The following ZNF385D variants were observed in gnomAD, a reference collection of about 807,000 sequenced individuals.
The protein encoded by ZNF385D is zinc finger protein 385D.
In ZNF385D, 15 loss-of-function variants were observed where a neutral mutation model predicts 35.8. The ratio of observed to expected loss-of-function variants is 0.42; its 90% CI spans 0.28 to 0.64. The LOEUF is 0.64. Ranked by LOEUF, ZNF385D falls within the 30% of genes least tolerant of loss-of-function variation. The pLI is 0.23. For synonymous variants in ZNF385D, 212 were observed against 186.8 expected (o/e 1.13, Z -1.10); for missense variants, 474 against 494.6 (o/e 0.96, Z 0.39).
chr3:21,703,301 A>G (rs73138878), intron 1 of ZNF385D, among the ~76,000 whole-genome samples: 39 of 152,254 alleles, frequency 2.6e-4, no homozygotes, highest in African/African-American at 8.7e-4. Flanking sequence ...CTTAATCACT[A>G]TCACGAGAAT....
chr3:22,110,651 G>C (rs1369484266), intron 3 of ZNF385D, among the ~76,000 whole-genome samples: 11 of 151,816 alleles, frequency 7.2e-5, no homozygotes, highest in Admixed American at 2.0e-4. Context: ...GGTGGGGGGA[G>C]TGGGGAGGGA....
At chr3:22,037,661 C>T (rs1698421635) in intron 3 of ZNF385D, among the ~76,000 whole-genome samples, 2 of 152,118 alleles carry the variant, frequency 1.3e-5, no homozygotes, top group South Asian at 2.1e-4. Context: ...TGTAGGTTGA[C>T]TGTTCACTCT....
At chr3:22,326,379 A>G (rs1356121603) in intron 2 of ZNF385D, among the ~76,000 whole-genome samples, 1 of 152,194 alleles carries the variant, frequency 6.6e-6, no homozygotes, top group African/African-American at 2.4e-5. Context: ...ACACTGTCAA[A>G]GAAGCTCGTG....
At chr3:21,653,810 C>G (rs1346447610) in intron 2 of ZNF385D, among the ~76,000 whole-genome samples, 1 of 152,064 alleles carries the variant, frequency 6.6e-6, no homozygotes, top group East Asian at 1.9e-4. Flanking sequence ...TCCAAAAGCT[C>G]CATCTATCTG....
At chr3:22,081,107 C>T (rs1371410445) in intron 3 of ZNF385D, among the ~76,000 whole-genome samples, 1 of 152,352 alleles carries the variant, frequency 6.6e-6, no homozygotes, top group Non-Finnish European at 1.5e-5. Context: ...CCATATCTTA[C>T]ACCTCTTAAT....
At chr3:22,205,838 AGAAG>A (rs1366757132) in intron 2 of ZNF385D, among the ~76,000 whole-genome samples, 1 of 152,016 alleles carries the variant, frequency 6.6e-6, no homozygotes, top group Non-Finnish European at 1.5e-5. Context: ...AAGGAAAGAA[AGAAG>A]GAAGAGAAGA....
chr3:21,976,030 G>A (rs749979489), intron 3 of ZNF385D, among the ~76,000 whole-genome samples: 1 of 152,072 alleles, frequency 6.6e-6, no homozygotes, highest in Non-Finnish European at 1.5e-5. Context: ...AATGGCCCTA[G>A]CAAACACTCA....
intron 3 of ZNF385D, among the ~76,000 whole-genome samples, chr3:21,902,517 T>C (rs1699462435): frequency 6.6e-6 from 1 of 152,206 alleles, no homozygotes; most frequent in South Asian, 2.1e-4. Context: ...CTATTCCTTT[T>C]CCTCCTTTTA....
intron 3 of ZNF385D, among the ~76,000 whole-genome samples, chr3:22,098,382 A>T (rs551237209): frequency 6.6e-6 from 1 of 152,174 alleles, no homozygotes; most frequent in South Asian, 2.1e-4. Flanking sequence ...AATTTTTTTC[A>T]AATATTTTAT....
chr3:21,412,753 G>T lies in ZNF385D; in HGVS notation c.*8461C>A, dbSNP rs899777692. On this transcript the variant is annotated 3_prime_UTR_variant, in exon 8 of 8. Transcript: ENST00000281523. Reference sequence around the variant, plus strand: ...ACTAAAACTGAAAATTCATCTTAAAGAATTCCTAATAAAAATAAATATTAA... The same window carrying T: ...ACTAAAACTGAAAATTCATCTTAAATAATTCCTAATAAAAATAAATATTAA... 4 of 151,982 alleles carry T rather than the reference G, an allele frequency of 2.6e-5. No individual in the cohort carries two copies. The highest frequency in any genetic ancestry group is 9.7e-5 in the African/African-American group (4 of 41,402). 9.4% of individuals were successfully genotyped at this position (151,982 alleles called of 1,614,324 possible).
chr3:21,425,561 G>T lies in ZNF385D; in HGVS notation c.783C>A (p.Gly261=). ...GKGPVNKGNT[G]LQNKTFHCEI... ...CACAGTGAAATGTTTTATTTTGGAGGCCTGTGTTTCCTTTATTAACAGGTC... is the reference window on the plus strand; with the variant it reads ...CACAGTGAAATGTTTTATTTTGGAGTCCTGTGTTTCCTTTATTAACAGGTC... The change falls in exon 6 of 8, where the codon GGC becomes GGA. Residue 261 remains glycine (G), a synonymous_variant. Transcript: ENST00000281523. The T allele has an allele frequency of 9.3e-6, 15 of 1,611,896 alleles. No homozygotes were observed. Among genetic ancestry groups the T allele is most frequent in the Non-Finnish European group, 1.3e-5 (15 of 1,178,934 alleles).
chr3:21,683,321 C>T (rs760956361), intron 1 of ZNF385D, among the ~76,000 whole-genome samples: 4 of 149,506 alleles, frequency 2.7e-5, no homozygotes, highest in Non-Finnish European at 5.9e-5. Context: ...TTAGGTTATG[C>T]GACGTGATAC....
At chr3:22,227,073 C>T (rs537820549) in intron 2 of ZNF385D, among the ~76,000 whole-genome samples, 1 of 152,220 alleles carries the variant, frequency 6.6e-6, no homozygotes, top group African/African-American at 2.4e-5. Context: ...CCCAGACCCA[C>T]TAAATCAGAT....
At chr3:22,202,812 C>T (rs974610082) in intron 2 of ZNF385D, among the ~76,000 whole-genome samples, 2 of 152,092 alleles carry the variant, frequency 1.3e-5, no homozygotes, top group Non-Finnish European at 2.9e-5. Flanking sequence ...CTGAGCAGAG[C>T]TCATCTGGTG....
At chr3:22,232,186 C>G (rs115990853) in intron 2 of ZNF385D, among the ~76,000 whole-genome samples, 2,491 of 152,248 alleles carry the variant, frequency 0.016, 36 homozygotes, top group Non-Finnish European at 0.024. Context: ...TGTGAAATCT[C>G]CAATAGGAGA....
At chr3:22,043,293 C>G (rs919529740) in intron 3 of ZNF385D, among the ~76,000 whole-genome samples, 1 of 152,076 alleles carries the variant, frequency 6.6e-6, no homozygotes, top group Non-Finnish European at 1.5e-5. Flanking sequence ...CAAACACCGT[C>G]AAAGATTAGA....
At chr3:21,492,933 C>G (rs1443224420) in intron 4 of ZNF385D, among the ~76,000 whole-genome samples, 1 of 151,844 alleles carries the variant, frequency 6.6e-6, no homozygotes, top group Non-Finnish European at 1.5e-5. Flanking sequence ...CAGAAGTTAC[C>G]AATGGGTTTC....
intron 3 of ZNF385D, among the ~76,000 whole-genome samples, chr3:22,019,653 T>G (rs1291032104): frequency 1.3e-5 from 2 of 152,010 alleles, no homozygotes; most frequent in Non-Finnish European, 2.9e-5. Context: ...TACCAACATG[T>G]TGAATACCAG....
rs370927931 is a variant in ZNF385D at position 21,564,655 on chromosome 3, G to T, written c.195C>A (p.Asn65Lys). Residue 65 changes from asparagine to lysine, a missense_variant, in exon 3 of 8, where the codon AAC becomes AAA. Transcript: ENST00000281523. ...GGGGAAGAGGAACCCCGAATGTATG[G>T]TTTATTACAGCTTTCTGAATCGGGT... ...AMDPIQKAVI[N>K]HTFGVPLPHR... The T allele has an allele frequency of 5.1e-6, 8 of 1,581,206 alleles. No homozygotes were observed. In the African/African-American group the frequency reaches 6.8e-5, roughly 14 times the overall value.
Sources: gnomAD v4.1 joint callset for allele counts (sites outside exome capture counted in the v4.1 genomes callset) on GRCh38, gnomAD v4.1.1 for gene constraint, MANE v1.5 for transcripts, NCBI Gene and HGNC (gene_info 2026-07-23, HGNC 2026-07-21) for gene names.